AFAP1: variants seen among roughly 807,000 people sequenced by gnomAD.
AFAP1 encodes actin filament associated protein 1.
A neutral mutation model predicts 93.9 loss-of-function variants in AFAP1; 75 were observed. That is an observed-to-expected ratio of 0.80 (90% CI 0.66 to 0.97). AFAP1 has a LOEUF of 0.97. AFAP1 is among the 50% of genes least tolerant of loss of function. The pLI, the probability that AFAP1 is intolerant of heterozygous loss-of-function variation, is 0.00. For missense variants in AFAP1, 1,201 were observed against 1,050.8 expected (o/e 1.14, Z -1.98); for synonymous variants, 517 against 430.7 (o/e 1.20, Z -2.48).
intron 1 of AFAP1, among the ~76,000 whole-genome samples, chr4:7,883,379 T>C (rs145898611): frequency 1.5e-4 from 23 of 152,220 alleles, no homozygotes; most frequent in Non-Finnish European, 2.9e-4. Context: ...GGCACTTAAC[T>C]TGATAAAATA....
rs1380497476 is a variant in AFAP1 at position 7,809,437 on chromosome 4, A to G, written c.1054+177T>C. The G allele has an allele frequency of 7.2e-6, 5 of 690,918 alleles. No individual in the cohort carries two copies. The African/African-American group carries it at 9.2e-5, about 13-fold the overall frequency. 42.8% of individuals were successfully genotyped at this position (690,918 alleles called of 1,614,324 possible). A position where few individuals can be genotyped will look rare whatever the true frequency, so the allele number is the denominator to read the frequency against. ...TAAAAGGCCTGCAAAGTCTTGTATGAATAAGAGGCAAAAATGTAAACATTT... is the reference window on the plus strand; with the variant it reads ...TAAAAGGCCTGCAAAGTCTTGTATGGATAAGAGGCAAAAATGTAAACATTT... On this transcript the variant is annotated intron_variant, in intron 9 of 17. Transcript: ENST00000420658.
At chr4:7,816,796 G>A (rs929708930) in intron 7 of AFAP1, among the ~76,000 whole-genome samples, 4 of 152,236 alleles carry the variant, frequency 2.6e-5, no homozygotes, top group African/African-American at 7.2e-5. Context: ...GAGGGCCTTG[G>A]AGACTGGGAC....
intron 14 of AFAP1, chr4:7,776,958 C>T (rs762712880): frequency 6.6e-6 from 1 of 152,162 alleles, no homozygotes; most frequent in Non-Finnish European, 1.5e-5. Flanking sequence ...AGCAAAAACA[C>T]GGAATGCCAT....
At chr4:7,814,607 C>A (rs1720313588) in intron 8 of AFAP1, among the ~76,000 whole-genome samples, 1 of 152,230 alleles carries the variant, frequency 6.6e-6, no homozygotes, top group South Asian at 2.1e-4. Context: ...ACTAGTGACA[C>A]TAGCCACAAA....
chr4:7,766,787 A>C (rs1714659025), intron 17 of AFAP1, among the ~76,000 whole-genome samples: 1 of 152,236 alleles, frequency 6.6e-6, no homozygotes, highest in African/African-American at 2.4e-5. Context: ...GATGAAGGGA[A>C]GGGAAATCTG....
At chr4:7,782,874 G>A (rs907521139) in intron 12 of AFAP1, among the ~76,000 whole-genome samples, 3 of 152,090 alleles carry the variant, frequency 2.0e-5, no homozygotes, top group Non-Finnish European at 4.4e-5. Flanking sequence ...AGATAAACTC[G>A]GATATGAGAG....
At position 7,794,191 on chromosome 4, in the gene AFAP1, C is replaced by A. The variant is rs191601909; in HGVS notation, c.1267-365G>T. ...CACCACCTGACCATGAGAAGGGGCA[C>A]GTCCCAGCTGCTGCTGCCTGACTTG... On this transcript the variant is annotated intron_variant, in intron 10 of 17. Coordinates refer to ENST00000420658, the MANE Select transcript of AFAP1 (RefSeq NM_001134647.2). Among the ~76,000 whole-genome samples, 706 of 152,308 alleles carry A rather than the reference C, an allele frequency of 4.6e-3. 4 individuals carry two copies. The highest frequency in any genetic ancestry group is 0.016 in the African/African-American group (661 of 41,572).
chr4:7,863,478 C>A (rs1406774903), intron 3 of AFAP1, among the ~76,000 whole-genome samples: 1 of 152,172 alleles, frequency 6.6e-6, no homozygotes, highest in South Asian at 2.1e-4. Context: ...GCTCTTTCCA[C>A]AGTTTTTTGA....
chr4:7,768,883 G>T lies in AFAP1; in HGVS notation c.2379C>A (p.Gly793=). The change falls in exon 17 of 18, where the codon GGC becomes GGA. Residue 793 remains glycine (G), a synonymous_variant. Transcript: ENST00000420658. ...GCACATGCCCTCGGCAGGGGGAGCT[G>T]CCCGGGGCAGCCTGGCTCTTCTTCA... ...AVLKKSQAAP[G]SSPCRGHVLR... 1 of 1,609,826 alleles carries T rather than the reference G, an allele frequency of 6.2e-7. No homozygotes were observed. The highest frequency in any genetic ancestry group is 8.5e-7 in the Non-Finnish European group (1 of 1,176,988).
chr4:7,798,989 G>C lies in AFAP1; in HGVS notation c.1266+1453C>G, dbSNP rs142733149. On this transcript the variant is annotated intron_variant, in intron 10 of 17. Transcript: ENST00000420658. ...GGAGACCCGCATTGTTACATCAAGA[G>C]TACAGTTTCTTTATTTAAGTTTTCA... 362 of 986,314 alleles carry C rather than the reference G, an allele frequency of 3.7e-4. 1 individual carries two copies. In the African/African-American group the frequency reaches 6.0e-3, roughly 16 times the overall value. The allele number at this position is 986,314 out of a possible 1,614,324, so 61.1% of individuals were successfully genotyped here. A position where few individuals can be genotyped will look rare whatever the true frequency, so the allele number is the denominator to read the frequency against.
intron 17 of AFAP1, among the ~76,000 whole-genome samples, chr4:7,765,311 G>A (rs973653557): frequency 2.0e-5 from 3 of 152,090 alleles, no homozygotes; most frequent in Admixed American, 1.3e-4. Context: ...GATGTCACCT[G>A]GCCAGCCTCA....
chr4:7,778,309 T>C (rs1716363849), intron 14 of AFAP1: 1 of 232,574 alleles, frequency 4.3e-6, no homozygotes, highest in Admixed American at 5.2e-5. Context: ...ACTGCTCTAG[T>C]GCTTGGAGGT....
intron 1 of AFAP1, among the ~76,000 whole-genome samples, chr4:7,932,055 G>T (rs935687386): frequency 1.3e-5 from 2 of 151,864 alleles, no homozygotes. Flanking sequence ...TAGAGATGGG[G>T]TTTCACCATA....
At chr4:7,857,953 C>T (rs1715264037) in intron 3 of AFAP1, among the ~76,000 whole-genome samples, 1 of 152,104 alleles carries the variant, frequency 6.6e-6, no homozygotes, top group South Asian at 2.1e-4. Context: ...TCCAATAATT[C>T]CACTTCTAGA....
chr4:7,885,897 T>C (rs768806643), intron 1 of AFAP1, among the ~76,000 whole-genome samples: 2 of 152,180 alleles, frequency 1.3e-5, no homozygotes, highest in Non-Finnish European at 2.9e-5. Flanking sequence ...TTCCAAAGGG[T>C]ATCAGAACTC....
intron 6 of AFAP1, among the ~76,000 whole-genome samples, chr4:7,827,150 C>A (rs573321248): frequency 1.3e-5 from 2 of 152,044 alleles, no homozygotes; most frequent in South Asian, 2.1e-4. Context: ...ACCCGTAAGC[C>A]CGAGTACAGG....
intron 1 of AFAP1, among the ~76,000 whole-genome samples, chr4:7,884,697 A>G (rs2149200140): frequency 6.6e-6 from 1 of 152,352 alleles, no homozygotes; most frequent in South Asian, 2.1e-4. Context: ...AGATACTTGA[A>G]AACCCAAACA....
intron 10 of AFAP1, among the ~76,000 whole-genome samples, chr4:7,800,147 T>G (rs1718883787): frequency 6.6e-6 from 1 of 152,206 alleles, no homozygotes; most frequent in Non-Finnish European, 1.5e-5. Context: ...TTAATTTCCC[T>G]GCAACCAGGC....
chr4:7,926,777 C>T (rs1720793008), intron 1 of AFAP1, among the ~76,000 whole-genome samples: 1 of 152,160 alleles, frequency 6.6e-6, no homozygotes, highest in Admixed American at 6.5e-5. Context: ...CCCTGTGTCG[C>T]CCAAGCTGGA....
Sources: allele counts gnomAD v4.1 joint callset (sites outside exome capture counted in the v4.1 genomes callset), GRCh38; gene constraint gnomAD v4.1.1; transcripts MANE v1.5; gene names NCBI Gene and HGNC (gene_info 2026-07-23, HGNC 2026-07-21).